Variants in MAMLD1 observed in about 807,000 individuals in gnomAD.
The protein encoded by MAMLD1 is mastermind-like domain-containing protein 1.
MAMLD1 carries 14 observed loss-of-function variants against 45.0 expected under a neutral mutation model. The ratio of observed to expected loss-of-function variants is 0.31; its 90% confidence interval spans 0.21 to 0.49. The LOEUF (loss-of-function observed/expected upper bound fraction) is 0.49. Among genes scored for constraint, MAMLD1 ranks in the 20% least tolerant of loss-of-function variants. The pLI is 0.99. For synonymous variants in MAMLD1, 254 were observed against 247.8 expected (o/e 1.02, Z -0.24); for missense variants, 543 against 603.6 (o/e 0.90, Z 1.05).
At chrX:150,434,299 T>A (rs782043223) in intron 1 of MAMLD1, among the ~76,000 whole-genome samples, 1 of 111,493 alleles carries the variant, frequency 9.0e-6, no homozygotes, top group South Asian at 3.7e-4. Flanking sequence ...TCTCTTTTTT[T>A]CTTTATTAAT....
At chrX:150,372,477 G>A (rs1466846402) in intron 1 of MAMLD1, among the ~76,000 whole-genome samples, 9 of 111,969 alleles carry the variant, frequency 8.0e-5, no homozygotes, top group Non-Finnish European at 1.7e-4. Flanking sequence ...ACGTCACATG[G>A]TTTGCGTGTC....
chrX:150,481,364 GA>G (rs2036747909), intron 5 of MAMLD1, among the ~76,000 whole-genome samples: 2 of 112,753 alleles, frequency 1.8e-5, no homozygotes, highest in East Asian at 5.6e-4. Context: ...CACAGAGAGA[GA>G]AAATAACAAG....
chrX:150,422,815 G>A (rs1013442386), intron 1 of MAMLD1, among the ~76,000 whole-genome samples: 6 of 111,849 alleles, frequency 5.4e-5, no homozygotes, highest in African/African-American at 2.0e-4. Flanking sequence ...AGGGATTGCT[G>A]TCCTTCAGCT....
chrX:150,464,754 T>C (rs782758634), intron 3 of MAMLD1, among the ~76,000 whole-genome samples: 1 of 112,141 alleles, frequency 8.9e-6, no homozygotes, highest in African/African-American at 3.2e-5. Context: ...TCTTCTGAGA[T>C]AGTCTACTGG....
chrX:150,395,479 A>G (rs2033378524), intron 1 of MAMLD1, among the ~76,000 whole-genome samples: 1 of 111,484 alleles, frequency 9.0e-6, no homozygotes. Flanking sequence ...CTCTGCTTCT[A>G]TTCTCTGCAA....
intron 5 of MAMLD1, among the ~76,000 whole-genome samples, chrX:150,502,808 C>G (rs2037599868): frequency 9.6e-6 from 1 of 104,523 alleles, no homozygotes; most frequent in African/African-American, 3.5e-5. Flanking sequence ...GTTGTGTGCT[C>G]CATTGTGGGG....
chrX:150,395,396 C>T (rs1303798020), intron 1 of MAMLD1, among the ~76,000 whole-genome samples: 1 of 111,341 alleles, frequency 9.0e-6, no homozygotes, highest in Non-Finnish European at 1.9e-5. Context: ...AGTTTTCTTT[C>T]CTTGTAATGT....
intron 4 of MAMLD1, 33 bp downstream of exon 4, chrX:150,471,523 T>C: frequency 8.3e-7 from 1 of 1,211,874 alleles, no homozygotes; most frequent in Non-Finnish European, 1.1e-6. Flanking sequence ...TGTGTTCTTT[T>C]GTTTTGGAAG....
At chrX:150,469,339 A>G (rs1360292183) in intron 3 of MAMLD1, among the ~76,000 whole-genome samples, 2 of 112,477 alleles carry the variant, frequency 1.8e-5, no homozygotes, top group East Asian at 5.6e-4. Flanking sequence ...ACTTCTGCAT[A>G]GTTTTGTTGA....
At chrX:150,398,287 G>GAAGAAGAAGAAC (rs1569564552) in intron 1 of MAMLD1, among the ~76,000 whole-genome samples, 10 of 80,419 alleles carry the variant, frequency 1.2e-4, no homozygotes, top group African/African-American at 4.4e-4. Context: ...AGAAGAAGAA[G>GAAGAAGAAGAAC]AAGAAGAAGA....
chrX:150,398,309 A>AAGAAGAAGG (rs2033558263), intron 1 of MAMLD1, among the ~76,000 whole-genome samples: 1 of 100,022 alleles, frequency 1.0e-5, no homozygotes, highest in Non-Finnish European at 2.0e-5. Flanking sequence ...GAAGAAGAAG[A>AAGAAGAAGG]AGAAGAAGAA....
Position 150,506,657 on chromosome X carries a change from T to A in MAMLD1, c.2284+3140T>A, listed in dbSNP as rs185253395. 6.7e-3 allele frequency among the ~76,000 whole-genome samples: 754 copies of A among 112,436 alleles called. 12 individuals carry two copies. Among genetic ancestry groups the A allele is most frequent in the African/African-American group, 0.023 (723 of 30,956 alleles). ...GGAGTCCTTTTGCCTGCTTAAGTGG[T>A]TGAATTGGTAATGAGATCATTCTTC... On this transcript the variant is annotated intron_variant, in intron 6 of 7. Coordinates refer to ENST00000370401, the MANE Select transcript of MAMLD1 (RefSeq NM_005491.5).
At chrX:150,509,700 G>T in intron 6 of MAMLD1, 1 of 379,843 alleles carries the variant, frequency 2.6e-6, no homozygotes, top group Admixed American at 4.4e-5. Context: ...TTTTCTGTGT[G>T]CTCTTGCTAT....
intron 1 of MAMLD1, among the ~76,000 whole-genome samples, chrX:150,402,098 G>A (rs1451941852): frequency 9.0e-6 from 1 of 111,182 alleles, no homozygotes; most frequent in African/African-American, 3.3e-5. Context: ...AAGAGCTTCT[G>A]CACAGCAAAA....
intron 5 of MAMLD1, among the ~76,000 whole-genome samples, chrX:150,485,555 A>C (rs2036960193): frequency 8.9e-6 from 1 of 111,883 alleles, no homozygotes; most frequent in African/African-American, 3.2e-5. Context: ...CTATAGATGA[A>C]TCCCATTTTA....
At chrX:150,462,100 T>C (rs2036058950) in intron 2 of MAMLD1, among the ~76,000 whole-genome samples, 1 of 111,972 alleles carries the variant, frequency 8.9e-6, no homozygotes, top group Non-Finnish European at 1.9e-5. Flanking sequence ...GTGGAGGGCT[T>C]TGTCATCAGA....
At chrX:150,412,341 C>T (rs1310738135) in intron 1 of MAMLD1, among the ~76,000 whole-genome samples, 2 of 111,030 alleles carry the variant, frequency 1.8e-5, no homozygotes, top group Non-Finnish European at 3.8e-5. Context: ...CAGGCTTCCC[C>T]TAAGCTTCAA....
chrX:150,409,141 G>C (rs1557402753), intron 1 of MAMLD1, among the ~76,000 whole-genome samples: 10 of 111,528 alleles, frequency 9.0e-5, no homozygotes, highest in Non-Finnish European at 1.9e-4. Flanking sequence ...TTGAGCTATT[G>C]GCCCAATGCT....
chrX:150,507,755 G>A (rs1557408912), intron 6 of MAMLD1, among the ~76,000 whole-genome samples: 1 of 112,341 alleles, frequency 8.9e-6, no homozygotes, highest in Non-Finnish European at 1.9e-5. Context: ...CTGCCCCGGC[G>A]TGGCCTTTCC....
Sources: gnomAD v4.1 joint callset for allele counts (sites outside exome capture counted in the v4.1 genomes callset) on GRCh38, gnomAD v4.1.1 for gene constraint, MANE v1.5 for transcripts, NCBI Gene and HGNC (gene_info 2026-07-23, HGNC 2026-07-21) for gene names.